MICAL2: variants seen among roughly 807,000 people sequenced by gnomAD.
The protein encoded by MICAL2 is microtubule associated monooxygenase, calponin and LIM domain containing 2.
MICAL2 carries 77 observed loss-of-function variants against 127.3 expected under a neutral mutation model. The observed-to-expected ratio is 0.60, with a 90% CI of 0.50 to 0.73. MICAL2 has a LOEUF of 0.73. MICAL2 is among the 30% of genes least tolerant of loss of function. MICAL2 has a pLI of 0.00. For missense variants in MICAL2, 1,351 were observed against 1,434.4 expected (o/e 0.94, Z 0.94); for synonymous variants, 570 against 551.1 (o/e 1.03, Z -0.48).
chr11:12,281,377 G>A (rs1590719652), intron 2 of MICAL2, among the ~76,000 whole-genome samples: 1 of 152,162 alleles, frequency 6.6e-6, no homozygotes, highest in Non-Finnish European at 1.5e-5. Context: ...CAGGGATCAG[G>A]GGCCCGCAGG....
At chr11:12,349,040 G>A (rs187562663) in intron 32 of MICAL2, among the ~76,000 whole-genome samples, 18 of 152,246 alleles carry the variant, frequency 1.2e-4, no homozygotes, top group South Asian at 8.3e-4. Context: ...TCCCCTCTGC[G>A]TATGGGACCC....
chr11:12,197,057 T>A (rs1253049059), intron 3 of MICAL2, among the ~76,000 whole-genome samples: 1 of 152,222 alleles, frequency 6.6e-6, no homozygotes, highest in Non-Finnish European at 1.5e-5. Context: ...CAATCCAGCA[T>A]TCATTGTATC....
chr11:12,330,786 G>GGAGAGAGAGA (rs59477152), intron 32 of MICAL2, among the ~76,000 whole-genome samples: 7 of 98,526 alleles, frequency 7.1e-5, no homozygotes, highest in Non-Finnish European at 1.1e-4. Flanking sequence ...TGCAGGACGT[G>GGAGAGAGAGA]GAGAGAGAGA....
chr11:12,314,089 A>G (rs1431677995), intron 29 of MICAL2, among the ~76,000 whole-genome samples: 1 of 149,584 alleles, frequency 6.7e-6, no homozygotes, highest in Non-Finnish European at 1.5e-5. Context: ...TCTGTCCTAT[A>G]AGCAACCTAT....
At chr11:12,189,549 T>A (rs1400404374) in intron 3 of MICAL2, among the ~76,000 whole-genome samples, 1 of 152,218 alleles carries the variant, frequency 6.6e-6, no homozygotes, top group East Asian at 1.9e-4. Flanking sequence ...TTTAATAGTT[T>A]TGCAGGGTTT....
intron 3 of MICAL2, chr11:12,163,886 A>C (rs967644011): frequency 8.5e-5 from 13 of 152,138 alleles, no homozygotes; most frequent in African/African-American, 3.1e-4. Flanking sequence ...TCTTTTTTTT[A>C]AAGGTCCCAT....
chr11:12,268,402 G>GC (rs1282350321), downstream of MICAL2, among the ~76,000 whole-genome samples: 7 of 152,212 alleles, frequency 4.6e-5, no homozygotes, highest in African/African-American at 1.7e-4. Flanking sequence ...GGGCATCAAG[G>GC]CCCAGGCCAC....
At chr11:12,286,950 G>T (rs1001051038) in intron 2 of MICAL2, 1 of 394,544 alleles carries the variant, frequency 2.5e-6, no homozygotes, top group Admixed American at 4.4e-5. Flanking sequence ...GAGGGAAGGA[G>T]AGAGTTCAGT....
chr11:12,174,222 T>A (rs1256992993), intron 3 of MICAL2, among the ~76,000 whole-genome samples: 1 of 152,196 alleles, frequency 6.6e-6, no homozygotes, highest in East Asian at 1.9e-4. Context: ...TTAACCATTT[T>A]AAAATGTATA....
downstream of MICAL2, among the ~76,000 whole-genome samples, chr11:12,291,661 G>A (rs55676746): frequency 0.015 from 2,303 of 152,296 alleles, 47 homozygotes; most frequent in African/African-American, 0.052. Context: ...GAGCCTCTTG[G>A]CACACATATG....
chr11:12,187,946 G>C (rs1305634226), intron 3 of MICAL2, among the ~76,000 whole-genome samples: 1 of 152,088 alleles, frequency 6.6e-6, no homozygotes, highest in Non-Finnish European at 1.5e-5. Flanking sequence ...GAACTGCTAG[G>C]ACCCCAGAGG....
chr11:12,279,003 G>C (rs1371430594), intron 1 of MICAL2, among the ~76,000 whole-genome samples: 2 of 152,192 alleles, frequency 1.3e-5, no homozygotes, highest in Non-Finnish European at 2.9e-5. Context: ...CCAGGGCTCT[G>C]ATGGGTTGTT....
At chr11:12,196,838 C>T (rs958364139) in intron 3 of MICAL2, among the ~76,000 whole-genome samples, 2 of 152,172 alleles carry the variant, frequency 1.3e-5, no homozygotes, top group Non-Finnish European at 2.9e-5. Flanking sequence ...CCTGGTTTCA[C>T]CTTCCCCACC....
rs1267806999 is a variant in MICAL2 at position 12,151,778 on chromosome 11, A to G, written c.-77-10301A>G. On this transcript the variant is annotated intron_variant, in intron 2 of 27. Transcript: ENST00000683283. The stretch of plus-strand genomic sequence containing the variant: ...CACTCCTGCTTGGATTCCATGACTT[A>G]GAACCTGGTCACCTGGACTCACAGC... 2.0e-5 allele frequency among the ~76,000 whole-genome samples: 3 copies of G among 152,120 alleles called. No homozygotes were observed. The East Asian group carries it at 5.8e-4, about 29-fold the overall frequency.
intron 5 of MICAL2, 123 bp from the exon 6 acceptor site, chr11:12,209,374 G>A (rs1855144168): frequency 3.9e-6 from 3 of 776,894 alleles, no homozygotes; most frequent in Non-Finnish European, 6.8e-6. Flanking sequence ...TTCCCCTGGA[G>A]GCTCTCTCTG....
At chr11:12,132,795 T>A (rs1194886284) in intron 1 of MICAL2, among the ~76,000 whole-genome samples, 1 of 152,256 alleles carries the variant, frequency 6.6e-6, no homozygotes, top group Admixed American at 6.5e-5. Context: ...GTTCCCAGTT[T>A]AATTCTCTAG....
At chr11:12,220,164 G>A (rs200327067) in intron 8 of MICAL2, 37 bp from the exon 9 acceptor site, 4 of 1,611,630 alleles carry the variant, frequency 2.5e-6, no homozygotes, top group South Asian at 2.2e-5. Flanking sequence ...GCCCTTTAGA[G>A]GGGGAGGTTG....
chr11:12,186,539 A>T lies in MICAL2; in HGVS notation c.265-17711A>T, dbSNP rs538123117. ...ATTTGAGGGCGCCTAGACAATTTTT[A>T]AAAAAAGATTTTTTTTTTAAAGATG... is the stretch of plus-strand genomic sequence containing the variant. On this transcript the variant is annotated intron_variant, in intron 3 of 27. Coordinates refer to ENST00000683283, the MANE Select transcript of MICAL2 (RefSeq NM_001282663.2). Among the ~76,000 whole-genome samples, 8 of 152,218 alleles carry T rather than the reference A, an allele frequency of 5.3e-5. No homozygotes were observed. In the East Asian group the frequency reaches 5.8e-4, roughly 11 times the overall value.
chr11:12,338,964 C>T (rs899980761), intron 32 of MICAL2, among the ~76,000 whole-genome samples: 153 of 152,106 alleles, frequency 1.0e-3, no homozygotes, highest in Non-Finnish European at 1.7e-3. Context: ...AGTATCTTTG[C>T]GGCATTCTCT....
Sources: gnomAD v4.1 joint callset for allele counts (sites outside exome capture counted in the v4.1 genomes callset) on GRCh38, gnomAD v4.1.1 for gene constraint, MANE v1.5 for transcripts, NCBI Gene and HGNC (gene_info 2026-07-23, HGNC 2026-07-21) for gene names.